MINPP1: variants seen among roughly 807,000 people sequenced by gnomAD.
MINPP1 encodes the protein multiple inositol-polyphosphate phosphatase 1.
Under a neutral mutation model 46.1 loss-of-function variants are expected in MINPP1, and 28 were observed. The observed-to-expected ratio is 0.61, with a 90% confidence interval of 0.45 to 0.83. MINPP1 has a LOEUF of 0.83. Ranked by LOEUF, MINPP1 falls within the 40% of genes least tolerant of loss-of-function variation. The pLI is 0.00. For synonymous variants in MINPP1, 268 were observed against 249.1 expected (o/e 1.08, Z -0.72); for missense variants, 603 against 610.0 (o/e 0.99, Z 0.12).
At chr10:87,545,759 C>T (rs1177858309) in intron 4 of MINPP1, among the ~76,000 whole-genome samples, 1 of 152,202 alleles carries the variant, frequency 6.6e-6, no homozygotes, top group African/African-American at 2.4e-5. Context: ...GATACAACCT[C>T]AGAATCCTTC....
intron 4 of MINPP1, among the ~76,000 whole-genome samples, chr10:87,532,976 A>G (rs985759250): frequency 8.4e-6 from 1 of 118,630 alleles, no homozygotes; most frequent in African/African-American, 3.1e-5. Context: ...CTATCAAAAC[A>G]TTAGCCTTTT....
At chr10:87,525,991 T>C (rs1374283952) in intron 4 of MINPP1, among the ~76,000 whole-genome samples, 5 of 152,226 alleles carry the variant, frequency 3.3e-5, no homozygotes, top group Admixed American at 3.3e-4. Context: ...GTCTTTGCTA[T>C]TGTGAATAGT....
chr10:87,542,518 T>C (rs183307971), intron 4 of MINPP1, among the ~76,000 whole-genome samples: 2 of 152,316 alleles, frequency 1.3e-5, no homozygotes, highest in Admixed American at 1.3e-4. Flanking sequence ...CAGGTTGGTC[T>C]TAACCTCCTG....
At chr10:87,513,350 T>C in intron 3 of MINPP1, 129 bp downstream of exon 3, 1 of 678,736 alleles carries the variant, frequency 1.5e-6, no homozygotes. Flanking sequence ...GTTTTGTGAC[T>C]AACTCCTAAT....
At chr10:87,524,240 A>C (rs11202430) in intron 4 of MINPP1, among the ~76,000 whole-genome samples, 17,111 of 152,144 alleles carry the variant, frequency 0.11, 2,038 homozygotes, top group East Asian at 0.31. Flanking sequence ...TTCAACTTAC[A>C]TTTTTGTGTT....
chr10:87,549,609 T>G (rs1414728733), intron 4 of MINPP1, among the ~76,000 whole-genome samples: 1 of 152,242 alleles, frequency 6.6e-6, no homozygotes, highest in Non-Finnish European at 1.5e-5. Context: ...CTTGCTGAAA[T>G]GACAATAGTT....
intron 4 of MINPP1, among the ~76,000 whole-genome samples, chr10:87,534,146 A>G (rs934925765): frequency 3.6e-5 from 5 of 138,772 alleles, no homozygotes; most frequent in Admixed American, 3.3e-4. Flanking sequence ...TCTACCTCCC[A>G]GGTTCAAGTG....
intron 3 of MINPP1, among the ~76,000 whole-genome samples, chr10:87,519,447 G>A (rs531527172): frequency 3.9e-5 from 6 of 152,218 alleles, no homozygotes; most frequent in South Asian, 4.2e-4. Flanking sequence ...TCTGAGCCCC[G>A]TTCAAGGCGT....
At chr10:87,515,764 A>G (rs1220427141) in intron 3 of MINPP1, among the ~76,000 whole-genome samples, 1 of 151,972 alleles carries the variant, frequency 6.6e-6, no homozygotes, top group Non-Finnish European at 1.5e-5. Context: ...ATGAGTACAC[A>G]GAGGTTCGTT....
chr10:87,518,320 G>T (rs887729064), intron 3 of MINPP1, among the ~76,000 whole-genome samples: 4 of 151,446 alleles, frequency 2.6e-5, no homozygotes, highest in African/African-American at 7.3e-5. Flanking sequence ...TAAATCTCCA[G>T]TTGCCTCCTT....
At position 87,521,099 on chromosome 10, in the gene MINPP1, A is replaced by C. The variant is rs771415137; in HGVS notation, c.997A>C (p.Ser333Arg). ...AAGAGGATATGGGTATACTATTAAC[A>C]GTCGATCCAGCTGCACCTTGTTTCA... ...WKRGYGYTIN[S>R]RSSCTLFQDI... The change falls in exon 4 of 5, where the codon AGT (serine) becomes CGT (arginine). Residue 333 changes from serine (S) to arginine (R), a missense_variant. This residue lies in a region of MINPP1 where 344 missense variants were observed against 381.1 expected (regional missense o/e 0.90). Transcript: ENST00000371996. 2 of 1,574,576 alleles carry C rather than the reference A, an allele frequency of 1.3e-6. No homozygotes were observed. Among genetic ancestry groups the C allele is most frequent in the Admixed American group, 1.7e-5 (1 of 59,942 alleles).
intron 4 of MINPP1, among the ~76,000 whole-genome samples, chr10:87,549,550 A>G (rs573622872): frequency 1.2e-4 from 19 of 152,238 alleles, no homozygotes; most frequent in Non-Finnish European, 1.8e-4. Context: ...TGGATCTCAG[A>G]CACTTGGTAG....
chr10:87,535,528 GT>G (rs1218274615), intron 4 of MINPP1, among the ~76,000 whole-genome samples: 4 of 152,304 alleles, frequency 2.6e-5, no homozygotes, highest in Admixed American at 6.5e-5. Flanking sequence ...AAATGCCCAA[GT>G]TAATTTGATG....
intron 4 of MINPP1, among the ~76,000 whole-genome samples, chr10:87,529,053 A>C (rs552079948): frequency 6.6e-6 from 1 of 151,358 alleles, no homozygotes; most frequent in East Asian, 1.9e-4. Context: ...TTTGTTTTCC[A>C]TTTGCTTGGT....
At chr10:87,508,572 T>A (rs1851289996) in intron 2 of MINPP1, 39 bp downstream of exon 2, 3 of 1,543,420 alleles carry the variant, frequency 1.9e-6, no homozygotes, top group South Asian at 1.1e-5. Context: ...CTTAACAGTT[T>A]AAATAATTTT....
intron 4 of MINPP1, among the ~76,000 whole-genome samples, chr10:87,525,221 A>G (rs368863796): frequency 2.6e-5 from 4 of 152,236 alleles, no homozygotes; most frequent in Non-Finnish European, 4.4e-5. Flanking sequence ...TCACTACTGC[A>G]ACTTTAGAAC....
intron 1 of MINPP1, chr10:87,507,772 T>TA: frequency 6.4e-6 from 6 of 938,942 alleles, no homozygotes; most frequent in Non-Finnish European, 6.4e-6. Flanking sequence ...GGGCTTCAGT[T>TA]AAAAGATAAA....
At chr10:87,527,693 C>T (rs1012103882) in intron 4 of MINPP1, among the ~76,000 whole-genome samples, 7 of 152,044 alleles carry the variant, frequency 4.6e-5, no homozygotes, top group African/African-American at 1.7e-4. Flanking sequence ...TGTGTCTCTG[C>T]CAGGCTTTCA....
chr10:87,533,985 A>T (rs1032438755), intron 4 of MINPP1, among the ~76,000 whole-genome samples: 3 of 150,344 alleles, frequency 2.0e-5, no homozygotes, highest in African/African-American at 7.3e-5. Flanking sequence ...AGCCAGGGGT[A>T]TCAGGAATCT....
Sources: allele counts gnomAD v4.1 joint callset (sites outside exome capture counted in the v4.1 genomes callset), GRCh38; gene constraint gnomAD v4.1.1; regional missense constraint gnomAD v4.1.1; transcripts MANE v1.5; gene names NCBI Gene and HGNC (gene_info 2026-07-23, HGNC 2026-07-21).